CWH43: variants seen among roughly 807,000 people sequenced by gnomAD.
CWH43 encodes the protein cell wall biogenesis 43 C-terminal homolog.
In CWH43, 91 loss-of-function variants were observed where a neutral mutation model predicts 85.7. The ratio of observed to expected loss-of-function variants is 1.06; its 90% CI spans 0.90 to 1.26. The LOEUF (loss-of-function observed/expected upper bound fraction) is 1.26, where lower values mean the gene tolerates loss of function less well. Ranked by LOEUF, CWH43 falls within the 50% of genes most tolerant of loss-of-function variation. The pLI, the probability that CWH43 is intolerant of heterozygous loss-of-function variation, is 0.00. For synonymous variants in CWH43, 323 were observed against 293.6 expected, an observed-to-expected ratio of 1.10 and a Z score of -1.02; for missense variants, 869 against 839.2, an observed-to-expected ratio of 1.04 and a Z score of -0.44.
chr4:48,987,427 A>G (rs940093647), intron 1 of CWH43, among the ~76,000 whole-genome samples: 9 of 152,178 alleles, frequency 5.9e-5, no homozygotes, highest in African/African-American at 2.2e-4. Context: ...TCCCACGCCC[A>G]GTGGTTAGAC....
intron 1 of CWH43, among the ~76,000 whole-genome samples, chr4:48,986,952 T>C (rs1462096126): frequency 6.6e-6 from 1 of 152,232 alleles, no homozygotes; most frequent in African/African-American, 2.4e-5. Context: ...CAAGTGGCCT[T>C]GGTGTCGGCT....
intron 7 of CWH43, 114 bp from the exon 8 acceptor site, chr4:49,007,086 CA>C: frequency 1.7e-6 from 2 of 1,166,746 alleles, no homozygotes; most frequent in Non-Finnish European, 2.3e-6. Flanking sequence ...TAAATTAAAT[CA>C]GTACATGAAT....
At position 49,061,962 on chromosome 4, in the gene CWH43, T is replaced by C. The variant is rs572222057; in HGVS notation, c.*72T>C. ...AGTATGTAAGATAAAAAGAAGAGAT[T>C]AATGAAAGTGGGAAAATACACATGA... On this transcript the variant is annotated 3_prime_UTR_variant, in exon 16 of 16. Coordinates refer to ENST00000226432, the MANE Select transcript of CWH43 (RefSeq NM_025087.3). The C allele has an allele frequency of 8.8e-7, 1 of 1,142,856 alleles. No individual in the cohort carries two copies. Among genetic ancestry groups the C allele is most frequent in the African/African-American group, 1.6e-5 (1 of 63,602 alleles). 70.8% of individuals were successfully genotyped at this position (1,142,856 alleles called of 1,614,324 possible).
intron 13 of CWH43, among the ~76,000 whole-genome samples, chr4:49,043,937 A>G (rs1303967538): frequency 6.6e-6 from 1 of 152,074 alleles, no homozygotes; most frequent in African/African-American, 2.4e-5. Flanking sequence ...CCATGTGTCT[A>G]CCACTAAGCT....
chr4:49,031,193 G>A, intron 11 of CWH43: 1 of 405,590 alleles, frequency 2.5e-6, no homozygotes, highest in Admixed American at 4.2e-5. Context: ...AGGAGCTGAG[G>A]TTGCAGCACC....
At chr4:49,027,750 C>T (rs763712398) in intron 9 of CWH43, among the ~76,000 whole-genome samples, 20 of 152,050 alleles carry the variant, frequency 1.3e-4, no homozygotes, top group Non-Finnish European at 1.9e-4. Flanking sequence ...ACTATAGTCA[C>T]CTTATTGTAC....
intron 11 of CWH43, among the ~76,000 whole-genome samples, chr4:49,031,889 C>T (rs142472304): frequency 3.0e-4 from 46 of 152,270 alleles, no homozygotes; most frequent in African/African-American, 1.1e-3. Context: ...GAATGGGAAC[C>T]ATCAGGAGAC....
intron 7 of CWH43, among the ~76,000 whole-genome samples, chr4:49,004,702 A>G (rs1284744869): frequency 6.6e-6 from 1 of 152,140 alleles, no homozygotes; most frequent in Non-Finnish European, 1.5e-5. Context: ...TATTATTTTT[A>G]TTTACCATAT....
chr4:49,026,271 C>T (rs182389860), intron 9 of CWH43, among the ~76,000 whole-genome samples: 1 of 152,322 alleles, frequency 6.6e-6, no homozygotes, highest in East Asian at 1.9e-4. Context: ...TTGCCCCAGG[C>T]TACAAGCCTC....
intron 1 of CWH43, 70 bp from the exon 2 acceptor site, chr4:48,988,407 G>T (rs1782555432): frequency 1.6e-6 from 2 of 1,255,512 alleles, no homozygotes; most frequent in South Asian, 1.5e-5. Flanking sequence ...CTGGAGTGGA[G>T]GGACAGGACT....
At chr4:49,041,673 C>A (rs1784466616) in intron 13 of CWH43, among the ~76,000 whole-genome samples, 1 of 152,228 alleles carries the variant, frequency 6.6e-6, no homozygotes, top group South Asian at 2.1e-4. Flanking sequence ...GCAGGTGAAT[C>A]AGCACTGGAA....
chr4:49,025,912 C>T (rs1281078085), intron 9 of CWH43, among the ~76,000 whole-genome samples: 2 of 152,030 alleles, frequency 1.3e-5, no homozygotes, highest in Non-Finnish European at 2.9e-5. Flanking sequence ...TGGAACTCCC[C>T]CAAAATTATG....
intron 3 of CWH43, 86 bp from the exon 4 acceptor site, chr4:48,991,850 A>G: frequency 8.5e-7 from 1 of 1,181,682 alleles, no homozygotes; most frequent in Non-Finnish European, 1.2e-6. Context: ...TATTTCAGCT[A>G]CTTATTCTAT....
At chr4:49,043,117 C>T (rs1285990898) in intron 13 of CWH43, among the ~76,000 whole-genome samples, 4 of 152,106 alleles carry the variant, frequency 2.6e-5, no homozygotes, top group Non-Finnish European at 5.9e-5. Flanking sequence ...AGTTACTTAG[C>T]CTTTCTGGGC....
At position 48,986,316 on chromosome 4, in the gene CWH43, G is replaced by A. The variant is rs1577644779; in HGVS notation, c.-114G>A. On this transcript the variant is annotated 5_prime_UTR_variant, in exon 1 of 16. Coordinates refer to ENST00000226432, the MANE Select transcript of CWH43 (RefSeq NM_025087.3). ...CTTGGCAACGGGACGCGGGAACGAG[G>A]GGCGCGGACGCAGGCCCGGGAGGAC... 9.8e-7 allele frequency: 1 copy of A among 1,017,160 alleles called. No individual in the cohort carries two copies. The highest frequency in any genetic ancestry group is 1.6e-5 in the South Asian group (1 of 61,044). 63.0% of individuals were successfully genotyped at this position (1,017,160 alleles called of 1,614,324 possible).
intron 12 of CWH43, among the ~76,000 whole-genome samples, chr4:49,035,911 G>C (rs1258290799): frequency 2.0e-5 from 3 of 152,098 alleles, no homozygotes; most frequent in Non-Finnish European, 4.4e-5. Flanking sequence ...CTTGTTGTAG[G>C]TATCAGAAGG....
intron 8 of CWH43, among the ~76,000 whole-genome samples, chr4:49,014,488 G>T (rs772537103): frequency 6.6e-6 from 1 of 150,488 alleles, no homozygotes. Flanking sequence ...GAGAAGAAAA[G>T]ATTCTATTTA....
intron 9 of CWH43, among the ~76,000 whole-genome samples, chr4:49,018,539 T>C (rs1220190615): frequency 1.3e-5 from 2 of 152,250 alleles, no homozygotes; most frequent in Non-Finnish European, 2.9e-5. Context: ...AAAACTTTTC[T>C]TGTCTCTTTC....
chr4:49,023,557 T>A (rs1287592326), intron 9 of CWH43, among the ~76,000 whole-genome samples: 2 of 151,970 alleles, frequency 1.3e-5, no homozygotes, highest in Non-Finnish European at 2.9e-5. Context: ...GTATTTTTAG[T>A]AGAGATGGGG....
Sources: allele counts gnomAD v4.1 joint callset (sites outside exome capture counted in the v4.1 genomes callset), GRCh38; gene constraint gnomAD v4.1.1; transcripts MANE v1.5; gene names NCBI Gene and HGNC (gene_info 2026-07-23, HGNC 2026-07-21).